The following SATB1 variants were observed in gnomAD, a reference collection of about 807,000 sequenced individuals.
SATB1 encodes SATB homeobox 1.
In SATB1, 11 loss-of-function variants were observed where a neutral mutation model predicts 86.9. The ratio of observed to expected loss-of-function variants is 0.13; its 90% CI spans 0.08 to 0.21. The LOEUF (loss-of-function observed/expected upper bound fraction) is 0.21. Ranked by LOEUF, SATB1 falls within the 10% of genes least tolerant of loss-of-function variation. The probability of loss-of-function intolerance (pLI) is 1.00; values close to 1 mark genes in which losing one functional copy is unlikely to be tolerated. For missense variants in SATB1, 551 were observed against 937.6 expected (o/e 0.59, Z 5.39); for synonymous variants, 357 against 357.2 (o/e 1.00, Z 0.01).
At chr3:18,420,607 T>C (rs966989461) in intron 2 of SATB1, 150 bp downstream of exon 2, 4 of 667,432 alleles carry the variant, frequency 6.0e-6, no homozygotes, top group Non-Finnish European at 1.1e-5. Flanking sequence ...TGATTGATAC[T>C]AAGGACCCAG....
At chr3:18,378,449 T>A in intron 8 of SATB1, 124 bp from the exon 9 acceptor site, 1 of 879,610 alleles carries the variant, frequency 1.1e-6, no homozygotes, top group African/African-American at 1.7e-5. Context: ...AACAGTGCAG[T>A]CATTCAACAT....
rs911823304 is a variant in SATB1, at chr3:18,417,667, C to G, written c.212-589G>C. The G allele has an allele frequency of 4.3e-6, 3 of 698,250 alleles. No individual in the cohort carries two copies. In the African/African-American group the frequency reaches 5.3e-5, roughly 12 times the overall value. The allele number at this position is 698,250 out of a possible 1,614,324, so 43.3% of individuals were successfully genotyped here. On this transcript the variant is annotated intron_variant, in intron 2 of 10. Coordinates refer to ENST00000338745, the MANE Select transcript of SATB1 (RefSeq NM_002971.6). ...ACTGGTTCCACAAAAAGTACTTAAC[C>G]AAACTGGTGCTCATAATACACAATT... is the stretch of plus-strand genomic sequence containing the variant.
intron 9 of SATB1, among the ~76,000 whole-genome samples, chr3:18,374,560 T>C (rs1292809307): frequency 1.3e-5 from 2 of 152,158 alleles, no homozygotes; most frequent in Non-Finnish European, 2.9e-5. Flanking sequence ...TTAGCCTGCT[T>C]TCCTAACCAA....
intron 7 of SATB1, among the ~76,000 whole-genome samples, chr3:18,390,430 T>C (rs567249262): frequency 4.6e-4 from 70 of 152,316 alleles, no homozygotes; most frequent in African/African-American, 1.6e-3. Context: ...CATGGATTCA[T>C]GCCAAGTAAG....
At chr3:18,379,639 T>C (rs148732747) in intron 8 of SATB1, among the ~76,000 whole-genome samples, 260 of 152,344 alleles carry the variant, frequency 1.7e-3, no homozygotes, top group African/African-American at 5.9e-3. Context: ...TTCTCCGTAC[T>C]TAAAGCATAA....
upstream of SATB1, among the ~76,000 whole-genome samples, chr3:18,425,765 G>C (rs1698667822): frequency 6.6e-6 from 1 of 151,358 alleles, no homozygotes; most frequent in South Asian, 2.1e-4. Context: ...CCGCCGGAGC[G>C]GGGAGGGGAG....
At position 18,375,287 on chromosome 3, in the gene SATB1, T is replaced by G. The variant is rs902562091; in HGVS notation, c.1575+2883A>C. On this transcript the variant is annotated intron_variant, in intron 9 of 10. Coordinates refer to ENST00000338745, the MANE Select transcript of SATB1 (RefSeq NM_002971.6). ...GTACTACATTTATTATTTAAGAAAC[T>G]CTCATGTGTAAAAGTAAGAAAATAA... 2.0e-5 allele frequency among the ~76,000 whole-genome samples: 3 copies of G among 152,230 alleles called. No individual in the cohort carries two copies. The East Asian group carries it at 5.8e-4, about 29-fold the overall frequency.
At chr3:18,421,338 T>G in intron 1 of SATB1, 1 of 186,620 alleles carries the variant, frequency 5.4e-6, no homozygotes, top group Middle Eastern at 2.4e-3. Context: ...GTAGTCCCAA[T>G]TTTTAACAAT....
Position 18,347,181 on chromosome 3 carries a change from A to T in SATB1, c.*1989T>A, listed in dbSNP as rs1296805727. 6.6e-6 allele frequency: 1 copy of T among 152,174 alleles called. No individual in the cohort carries two copies. The allele number at this position is 152,174 out of a possible 1,614,324, so 9.4% of individuals were successfully genotyped here. On this transcript the variant is annotated 3_prime_UTR_variant, in exon 11 of 11. Transcript: ENST00000338745. ...GCTCATCAGGGCCTGAGAAGATGGT[A>T]GGCAGAAAGAGAAGGGGCAATTGCA... is the stretch of plus-strand genomic sequence containing the variant.
chr3:18,356,499 A>T (rs1051688919), intron 9 of SATB1, among the ~76,000 whole-genome samples: 1 of 151,756 alleles, frequency 6.6e-6, no homozygotes, highest in Admixed American at 6.6e-5. Context: ...AAACTCAATG[A>T]TAACACAATG....
chr3:18,368,516 A>T (rs1695300635), intron 9 of SATB1, among the ~76,000 whole-genome samples: 1 of 152,166 alleles, frequency 6.6e-6, no homozygotes, highest in Non-Finnish European at 1.5e-5. Context: ...GGAAGCAAAG[A>T]TTATACAAAG....
intron 7 of SATB1, among the ~76,000 whole-genome samples, chr3:18,389,409 G>A (rs1169837400): frequency 6.6e-6 from 1 of 151,800 alleles, no homozygotes; most frequent in Admixed American, 6.6e-5. Context: ...GATGCAAAAT[G>A]ACTGCTATCA....
chr3:18,398,988 C>T (rs772982328), intron 5 of SATB1, among the ~76,000 whole-genome samples: 9 of 152,106 alleles, frequency 5.9e-5, no homozygotes, highest in African/African-American at 2.2e-4. Context: ...CTATTGAGAT[C>T]GCTGATGGAT....
chr3:18,394,872 G>A lies in SATB1; in HGVS notation c.796C>T (p.His266Tyr). 1.2e-6 allele frequency: 2 copies of A among 1,611,518 alleles called. No homozygotes were observed. Among genetic ancestry groups the A allele is most frequent in the South Asian group, 1.1e-5 (1 of 90,964 alleles). The change falls in exon 7 of 11, where the codon CAT (histidine) becomes TAT (tyrosine). Residue 266 changes from histidine (H) to tyrosine (Y), a missense_variant. His to Tyr is a moderately conservative substitution (Grantham distance 83). Around this residue, in one of 8 missense-constraint regions of SATB1, gnomAD observed 119 missense variants for 171.1 expected, o/e 0.70. Coordinates refer to ENST00000338745, the MANE Select transcript of SATB1 (RefSeq NM_002971.6). The surrounding 1 kb of genome is among the most constrained non-coding windows in gnomAD (Gnocchi z 5.9). ...LSELSQQGAN[H>Y]VNFGQQPVPG... ...ACTGGTTGCTGGCCAAAATTGACAT[G>A]ATTGGCGCCTTGCTGGGATAGCTCA...
chr3:18,421,054 C>A, intron 1 of SATB1, 63 bp from the exon 2 acceptor site: 1 of 1,130,582 alleles, frequency 8.8e-7, no homozygotes. Flanking sequence ...ATATATGTGT[C>A]CTATGTAAAT....
In SATB1 at chr3:18,349,356, G is replaced by A; in HGVS notation, c.2106C>T (p.His702=). 6.2e-7 allele frequency: 1 copy of A among 1,614,096 alleles called. No individual in the cohort carries two copies. The highest frequency in any genetic ancestry group is 8.5e-7 in the Non-Finnish European group (1 of 1,180,002). The change falls in exon 11 of 11, where the codon CAC becomes CAT. Residue 702 remains histidine, a synonymous_variant. Coordinates refer to ENST00000338745, the MANE Select transcript of SATB1 (RefSeq NM_002971.6). This position sits in a 1 kb window ranked among gnomAD's most constrained non-coding sequence, Gnocchi z 5.5. ...FFQNQRYYLK[H]HGKLKDNSGL... ...CGGAATTGTCCTTCAGTTTGCCGTGGTGCTTGAGATAGTACCGCTGGTTCT... is the reference window on the plus strand; with the variant it reads ...CGGAATTGTCCTTCAGTTTGCCGTGATGCTTGAGATAGTACCGCTGGTTCT...
chr3:18,391,529 T>TC (rs1696673359), intron 7 of SATB1, among the ~76,000 whole-genome samples: 1 of 59,968 alleles, frequency 1.7e-5, no homozygotes, highest in Non-Finnish European at 3.0e-5. Flanking sequence ...CCCTCCCCCC[T>TC]CCCCCCACCC....
intron 2 of SATB1, among the ~76,000 whole-genome samples, chr3:18,417,990 T>C (rs1400709790): frequency 1.3e-5 from 2 of 152,170 alleles, no homozygotes; most frequent in African/African-American, 4.8e-5. Flanking sequence ...TAGAAATTGA[T>C]ATTACGGAAT....
intron 7 of SATB1, among the ~76,000 whole-genome samples, chr3:18,391,458 G>A (rs961492289): frequency 1.3e-5 from 2 of 150,678 alleles, no homozygotes; most frequent in Non-Finnish European, 3.0e-5. Context: ...TACATGTGCC[G>A]TGCTGGTGCG....
Sources: allele counts gnomAD v4.1 joint callset (sites outside exome capture counted in the v4.1 genomes callset), GRCh38; gene constraint gnomAD v4.1.1; regional missense constraint gnomAD v4.1.1; non-coding constraint Gnocchi (gnomAD v3.1); transcripts MANE v1.5; gene names NCBI Gene and HGNC (gene_info 2026-07-23, HGNC 2026-07-21).